ATP6V0B: variants seen among roughly 807,000 people sequenced by gnomAD.
ATP6V0B encodes the protein V-type proton ATPase 21 kDa proteolipid subunit c''.
ATP6V0B carries 4 observed loss-of-function variants against 26.2 expected under a neutral mutation model. That is an observed-to-expected ratio of 0.15 (90% CI 0.08 to 0.35). The LOEUF (loss-of-function observed/expected upper bound fraction) is 0.35, where lower values mean the gene tolerates loss of function less well. Among genes scored for constraint, ATP6V0B ranks in the 10% least tolerant of loss-of-function variants. The probability of loss-of-function intolerance (pLI) is 1.00; values close to 1 mark genes in which losing one functional copy is unlikely to be tolerated. For missense variants in ATP6V0B, 175 were observed against 272.5 expected, an observed-to-expected ratio of 0.64 and a Z score of 2.52; for synonymous variants, 110 against 105.8, an observed-to-expected ratio of 1.04 and a Z score of -0.24.
chr1:43,975,163 G>C, intron 1 of ATP6V0B, 56 bp downstream of exon 1: 6 of 1,403,904 alleles, frequency 4.3e-6, no homozygotes, highest in South Asian at 3.0e-5. Context: ...GGCCGGGTCG[G>C]AACTCGGCGG....
intron 2 of ATP6V0B, 91 bp downstream of exon 2, chr1:43,975,939 T>C: frequency 6.6e-7 from 1 of 1,515,630 alleles, no homozygotes. Flanking sequence ...CCCACACCAC[T>C]GCCTGCCTGG....
At chr1:43,975,716 CT>C in intron 1 of ATP6V0B, 83 bp from the exon 2 acceptor site, 1 of 1,526,810 alleles carries the variant, frequency 6.5e-7, no homozygotes, top group Non-Finnish European at 9.1e-7. Context: ...GGAGGTGGCC[CT>C]TCAGCTCGGC....
At position 43,975,001 on chromosome 1, in the gene ATP6V0B, C is replaced by A; in HGVS notation, c.-40C>A. ...GGTGGACGCTGGGACGCGTTTGTAG[C>A]TCCGGCCCCGCCGTTCCGACCCCCG... On this transcript the variant is annotated 5_prime_UTR_variant, in exon 1 of 8. Transcript: ENST00000472174. 1 of 1,256,820 alleles carries A rather than the reference C, an allele frequency of 8.0e-7. No individual in the cohort carries two copies. Among genetic ancestry groups the A allele is most frequent in the Non-Finnish European group, 1.0e-6 (1 of 996,094 alleles). The allele number at this position is 1,256,820 out of a possible 1,614,324, so 77.9% of individuals were successfully genotyped here. A position where few individuals can be genotyped will look rare whatever the true frequency, so the allele number is the denominator to read the frequency against.
chr1:43,977,604 T>C, intron 7 of ATP6V0B: 1 of 1,420,178 alleles, frequency 7.0e-7, no homozygotes, highest in Non-Finnish European at 9.1e-7. Context: ...CTCTCGGAGC[T>C]ATGTGTATCT....
chr1:43,976,171 C>T lies in ATP6V0B; in HGVS notation c.198C>T (p.Ala66=). The T allele has an allele frequency of 2.5e-6, 4 of 1,613,826 alleles. No homozygotes were observed. The highest frequency in any genetic ancestry group is 3.4e-6 in the Non-Finnish European group (4 of 1,179,842). ...TCTCCCTGTCTGTGGTTGGGGCAGC[C>T]TGGTGAGTATTGGGGTGGTGGGACT... ...LAISLSVVGA[A]WGIYITGSSI... Residue 66 remains alanine (A), a splice_region_variant and synonymous_variant, in exon 3 of 8, where the codon GCC becomes GCT. Transcript: ENST00000472174. This position sits in a 1 kb window ranked among gnomAD's most constrained non-coding sequence, Gnocchi z 4.6.
intron 7 of ATP6V0B, 43 bp from the exon 8 acceptor site, chr1:43,977,938 A>G (rs1385563371): frequency 6.2e-7 from 1 of 1,614,024 alleles, no homozygotes; most frequent in African/African-American, 1.3e-5. Context: ...TGCCTTACCT[A>G]TTCCTCTGTC....
chr1:43,977,524 T>G, intron 7 of ATP6V0B: 1 of 1,429,320 alleles, frequency 7.0e-7, no homozygotes, highest in South Asian at 1.6e-5. Context: ...GTCTCCAGTC[T>G]GTATTTGTGA....
chr1:43,978,037 C>G lies in ATP6V0B; in HGVS notation c.*30C>G, dbSNP rs56842927. Reference sequence around the variant, plus strand: ...TATGTGTGGGTGGGGCCGTGCCTCACTTTTATTTATTGCTGGTTTTCCTGG... The same window carrying G: ...TATGTGTGGGTGGGGCCGTGCCTCAGTTTTATTTATTGCTGGTTTTCCTGG... On this transcript the variant is annotated 3_prime_UTR_variant, in exon 8 of 8. Transcript: ENST00000472174. 6.2e-7 allele frequency: 1 copy of G among 1,614,050 alleles called. No individual in the cohort carries two copies. The highest frequency in any genetic ancestry group is 1.3e-5 in the African/African-American group (1 of 74,932).
intron 7 of ATP6V0B, chr1:43,977,481 C>T: frequency 1.4e-6 from 2 of 1,430,514 alleles, no homozygotes; most frequent in African/African-American, 1.4e-5. Flanking sequence ...CTCCCTCTTT[C>T]TGTTCTCTCA....
chr1:43,975,182 C>A, intron 1 of ATP6V0B, 75 bp downstream of exon 1: 2 of 1,394,174 alleles, frequency 1.4e-6, no homozygotes, highest in East Asian at 2.9e-5. Context: ...GGGGAAGTGG[C>A]CTGCGGGGAA....
chr1:43,977,175 A>T lies in ATP6V0B; in HGVS notation c.550A>T (p.Ser184Cys). Residue 184 changes from serine (S) to cysteine (C), a missense_variant, in exon 7 of 8, where the codon AGC becomes TGC. Transcript: ENST00000472174. The stretch of plus-strand genomic sequence containing the variant: ...GATTCTCATCGTGGAGATCTTTGGC[A>T]GCGCCATTGGCCTCTTTGGGGTCAT... Reference protein sequence around the residue: ...VKILIVEIFGSAIGLFGVIVA... With the variant: ...VKILIVEIFGCAIGLFGVIVA... 1 of 1,614,176 alleles carries T rather than the reference A, an allele frequency of 6.2e-7. No homozygotes were observed. Among genetic ancestry groups the T allele is most frequent in the South Asian group, 1.1e-5 (1 of 91,086 alleles).
chr1:43,977,341 C>T (rs570518168), intron 7 of ATP6V0B, 125 bp downstream of exon 7: 268 of 1,566,858 alleles, frequency 1.7e-4, no homozygotes, highest in Non-Finnish European at 2.2e-4. Context: ...CAGCTTCCAC[C>T]TCCTCATTTC....
Position 43,975,020 on chromosome 1 carries a change from A to AC in ATP6V0B, c.-16dup, listed in dbSNP as rs147249398. 1.6e-6 allele frequency: 2 copies of AC among 1,262,660 alleles called. No homozygotes were observed. The highest frequency in any genetic ancestry group is 2.0e-6 in the Non-Finnish European group (2 of 1,001,354). 78.2% of individuals were successfully genotyped at this position (1,262,660 alleles called of 1,614,324 possible). A position where few individuals can be genotyped will look rare whatever the true frequency, so the allele number is the denominator to read the frequency against. Reference sequence around the variant, plus strand: ...TTGTAGCTCCGGCCCCGCCGTTCCGACCCCCGCCGCCGTCGCCGCCATGAC... The same window carrying AC: ...TTGTAGCTCCGGCCCCGCCGTTCCGACCCCCCGCCGCCGTCGCCGCCATGAC... On this transcript the variant is annotated 5_prime_UTR_variant, in exon 1 of 8. Transcript: ENST00000472174.
rs759702603 is a variant in ATP6V0B at position 43,976,136 on chromosome 1, G to A, written c.163G>A (p.Gly55Ser). Residue 55 changes from glycine (G) to serine (S), a missense_variant, in exon 3 of 8, where the codon GGC (glycine) becomes AGC (serine). Physicochemically the swap from Gly to Ser is moderately conservative, Grantham distance 56. Around this residue, in one of 3 missense-constraint regions of ATP6V0B, gnomAD observed 75 missense variants for 94.7 expected, o/e 0.79. Transcript: ENST00000472174. This position sits in a 1 kb window ranked among gnomAD's most constrained non-coding sequence, Gnocchi z 4.6. ...SPFMWSNLGI[G>S]LAISLSVVGA... ...CTTCATGTGGTCCAACCTGGGCATT[G>A]GCCTAGCTATCTCCCTGTCTGTGGT... The A allele has an allele frequency of 1.2e-6, 2 of 1,614,120 alleles. No individual in the cohort carries two copies. Among genetic ancestry groups the A allele is most frequent in the South Asian group, 2.2e-5 (2 of 91,072 alleles).
Position 43,978,094 on chromosome 1 carries a change from G to A in ATP6V0B, c.*87G>A. 6.3e-7 allele frequency: 1 copy of A among 1,583,430 alleles called. No individual in the cohort carries two copies. The highest frequency in any genetic ancestry group is 8.7e-7 in the Non-Finnish European group (1 of 1,152,800). Reference sequence around the variant, plus strand: ...TGGAGCTGTGTCCCTTAGCCTTTCAGAGGCTTGGTGTTCAGGGCCCTCCCT... The same window carrying A: ...TGGAGCTGTGTCCCTTAGCCTTTCAAAGGCTTGGTGTTCAGGGCCCTCCCT... On this transcript the variant is annotated 3_prime_UTR_variant, in exon 8 of 8. Coordinates refer to ENST00000472174, the MANE Select transcript of ATP6V0B (RefSeq NM_004047.5).
At chr1:43,975,204 C>A (rs1334667106) in intron 1 of ATP6V0B, 97 bp downstream of exon 1, 2 of 1,323,416 alleles carry the variant, frequency 1.5e-6, no homozygotes, top group Non-Finnish European at 2.0e-6. Flanking sequence ...ACTGGCCCCC[C>A]GCGCGCTCTG....
Position 43,975,035 on chromosome 1 carries a change from G to A in ATP6V0B, c.-6G>A, listed in dbSNP as rs1205865085. The A allele has an allele frequency of 1.6e-6, 2 of 1,268,700 alleles. No homozygotes were observed. The highest frequency in any genetic ancestry group is 1.5e-5 in the African/African-American group (1 of 64,590). 78.6% of individuals were successfully genotyped at this position (1,268,700 alleles called of 1,614,324 possible). ...CGCCGTTCCGACCCCCGCCGCCGTC[G>A]CCGCCATGACGGGGCTAGCACTGCT... On this transcript the variant is annotated 5_prime_UTR_variant, in exon 1 of 8. Transcript: ENST00000472174.
intron 7 of ATP6V0B, 191 bp from the exon 8 acceptor site, chr1:43,977,790 T>C: frequency 6.6e-7 from 1 of 1,516,758 alleles, no homozygotes; most frequent in Non-Finnish European, 8.8e-7. Context: ...TCTCTCCGTC[T>C]GTCCCACAGC....
At position 43,977,966 on chromosome 1, in the gene ATP6V0B, G is replaced by C. The variant is rs1557647772; in HGVS notation, c.592-15G>C. On this transcript the variant is annotated splice_polypyrimidine_tract_variant and intron_variant, in intron 7 of 7. Coordinates refer to ENST00000472174, the MANE Select transcript of ATP6V0B (RefSeq NM_004047.5). ...CCTCTGTCCCTGCCTGATTTCTCCT[G>C]TTCTTTTTTTGCAGACCTCCAGAGT... 2 of 1,614,180 alleles carry C rather than the reference G, an allele frequency of 1.2e-6. No individual in the cohort carries two copies. Among genetic ancestry groups the C allele is most frequent in the Admixed American group, 1.7e-5 (1 of 60,022 alleles).
Sources: allele counts gnomAD v4.1 joint callset, GRCh38; gene constraint gnomAD v4.1.1; regional missense constraint gnomAD v4.1.1; non-coding constraint Gnocchi (gnomAD v3.1); transcripts MANE v1.5; gene names NCBI Gene and HGNC (gene_info 2026-07-23, HGNC 2026-07-21).